Variants in HIF3A observed in about 807,000 individuals in gnomAD.
HIF3A encodes the protein hypoxia-inducible factor 3-alpha.
Under a neutral mutation model 67.2 loss-of-function variants are expected in HIF3A, and 41 were observed. The ratio of observed to expected loss-of-function variants is 0.61; its 90% CI spans 0.48 to 0.79. The LOEUF is 0.79. Among genes scored for constraint, HIF3A ranks in the 30% least tolerant of loss-of-function variants. The probability of loss-of-function intolerance (pLI) is 0.00; values close to 1 mark genes in which losing one functional copy is unlikely to be tolerated. For missense variants in HIF3A, 855 were observed against 898.0 expected (o/e 0.95, Z 0.61); for synonymous variants, 356 against 374.8 (o/e 0.95, Z 0.58).
At chr19:46,312,882 A>ATTTTTTTTTTTTTTTTTTTTTTTTTTTT (rs531816670) in intron 8 of HIF3A, 1 of 733,956 alleles carries the variant, frequency 1.4e-6, no homozygotes. Context: ...TAGACTGTTA[A>ATTTTTTTTTTTTTTTTTTTTTTTTTTTT]TTTTTTTTTT....
At chr19:46,309,068 GC>G in intron 5 of HIF3A, 82 bp from the exon 6 acceptor site, 1 of 1,151,500 alleles carries the variant, frequency 8.7e-7, no homozygotes, top group Non-Finnish European at 1.2e-6. Flanking sequence ...TCCCTGATGG[GC>G]CCTCAGGACG....
intron 7 of HIF3A, 27 bp from the exon 8 acceptor site, chr19:46,312,479 C>T (rs1471179193): frequency 2.5e-6 from 4 of 1,613,128 alleles, no homozygotes; most frequent in African/African-American, 2.7e-5. Flanking sequence ...CTTGGTGGCC[C>T]TGATCCCTCC....
intron 1 of HIF3A, chr19:46,298,365 C>T (rs1968030743): frequency 4.0e-6 from 5 of 1,262,386 alleles, no homozygotes; most frequent in Non-Finnish European, 5.2e-6. Context: ...GCTCGGGTGC[C>T]CCCCCTCCCC....
In HIF3A at chr19:46,334,245, C is replaced by A. The variant is rs527441956; in HGVS notation, c.1831-660C>A. ...TAGCTGGGATTACAGACATGCGCAACCACACCCTGCTAATTTTTGTATTTT... is the reference window on the plus strand; with the variant it reads ...TAGCTGGGATTACAGACATGCGCAAACACACCCTGCTAATTTTTGTATTTT... On this transcript the variant is annotated intron_variant, in intron 13 of 14. Transcript: ENST00000377670. 3.9e-5 allele frequency among the ~76,000 whole-genome samples: 6 copies of A among 152,206 alleles called. No individual in the cohort carries two copies. In the East Asian group the frequency reaches 1.2e-3, roughly 29 times the overall value.
intron 14 of HIF3A, chr19:46,338,609 T>G: frequency 1.2e-6 from 1 of 857,344 alleles, no homozygotes; most frequent in Non-Finnish European, 1.5e-6. Context: ...CAGTACTAGT[T>G]ATGGTTCAAA....
intron 10 of HIF3A, among the ~76,000 whole-genome samples, chr19:46,324,280 C>G (rs1970596641): frequency 6.6e-6 from 1 of 152,178 alleles, no homozygotes; most frequent in Non-Finnish European, 1.5e-5. Context: ...GAGAAGCACT[C>G]AGTAGGGGCC....
Position 46,312,566 on chromosome 19 carries a change from A to G in HIF3A, c.938A>G (p.Tyr313Cys). The change falls in exon 8 of 15, where the codon TAC (tyrosine) becomes TGC (cysteine). Residue 313 changes from tyrosine (Y) to cysteine (C), a missense_variant. Tyr to Cys is a radical substitution (Grantham distance 194). This residue lies in a region of HIF3A where 638 missense variants were observed against 660.5 expected (regional missense o/e 0.97). Transcript: ENST00000377670. ...CGCTTCCTGGCCCGGAGTGGTGGCT[A>G]CCTGTGGACCCAGACCCAGGCCACA... is the stretch of plus-strand genomic sequence containing the variant. ...QYRFLARSGG[Y>C]LWTQTQATVV... 1 of 1,612,856 alleles carries G rather than the reference A, an allele frequency of 6.2e-7. No homozygotes were observed. The highest frequency in any genetic ancestry group is 8.5e-7 in the Non-Finnish European group (1 of 1,179,508).
chr19:46,297,298 C>T lies in HIF3A; in HGVS notation c.26+196C>T, dbSNP rs2147091314. Among the ~76,000 whole-genome samples, 1 of 152,252 alleles carries T rather than the reference C, an allele frequency of 6.6e-6. No homozygotes were observed. The highest frequency in any genetic ancestry group is 2.1e-4 in the South Asian group (1 of 4,822). On this transcript the variant is annotated intron_variant, in intron 1 of 14. Coordinates refer to ENST00000377670, the MANE Select transcript of HIF3A (RefSeq NM_152795.4). This position sits in a 1 kb window ranked among gnomAD's most constrained non-coding sequence, Gnocchi z 4.5. ...GGTGGGGGATTCCCTACGTCTCTGG[C>T]TGCCCCGCCCCTCTGGCCAAGAGCG...
At chr19:46,319,947 A>T (rs1443591937) in intron 8 of HIF3A, among the ~76,000 whole-genome samples, 1 of 152,174 alleles carries the variant, frequency 6.6e-6, no homozygotes, top group African/African-American at 2.4e-5. Flanking sequence ...GTGTCAGAAT[A>T]GGCCGGGCAC....
rs1425221721 is a variant in HIF3A, at chr19:46,303,468, G to C, written c.27-430G>C. ...GTGATTCTGGGAAACTGCAGGGCAG[G>C]GGGCCTGGGAGGCTGTAGGCCTCTC... On this transcript the variant is annotated intron_variant, in intron 1 of 14. Transcript: ENST00000377670. 1.1e-5 allele frequency: 7 copies of C among 627,100 alleles called. No homozygotes were observed. The East Asian group carries it at 1.4e-4, about 12-fold the overall frequency. The allele number at this position is 627,100 out of a possible 1,614,324, so 38.8% of individuals were successfully genotyped here. A position where few individuals can be genotyped will look rare whatever the true frequency, so the allele number is the denominator to read the frequency against.
chr19:46,328,223 T>C (rs1970934310), intron 11 of HIF3A, among the ~76,000 whole-genome samples: 1 of 152,178 alleles, frequency 6.6e-6, no homozygotes, highest in Non-Finnish European at 1.5e-5. Context: ...CTGGTTAGCA[T>C]AAACTATCCA....
intron 6 of HIF3A, 53 bp downstream of exon 6, chr19:46,309,412 C>A: frequency 8.9e-7 from 1 of 1,121,544 alleles, no homozygotes; most frequent in Non-Finnish European, 1.3e-6. Context: ...TGTTTCCCTC[C>A]CCACCTCCAC....
At chr19:46,333,498 T>C (rs1247561564) in intron 13 of HIF3A, among the ~76,000 whole-genome samples, 1 of 152,090 alleles carries the variant, frequency 6.6e-6, no homozygotes, top group Non-Finnish European at 1.5e-5. Context: ...CCCTACCTGC[T>C]GGTGTCTCCC....
At chr19:46,330,799 GA>G (rs1211444313) in intron 12 of HIF3A, among the ~76,000 whole-genome samples, 4 of 147,892 alleles carry the variant, frequency 2.7e-5, no homozygotes, top group African/African-American at 5.0e-5. Flanking sequence ...TGGATGGATG[GA>G]TGGATGGTGG....
At chr19:46,301,259 G>A (rs1409048231) in intron 1 of HIF3A, among the ~76,000 whole-genome samples, 1 of 152,084 alleles carries the variant, frequency 6.6e-6, no homozygotes, top group East Asian at 1.9e-4. Context: ...CCCTTGCCCT[G>A]GGGGGTGGGG....
intron 14 of HIF3A, among the ~76,000 whole-genome samples, chr19:46,336,843 C>T (rs1971664177): frequency 6.6e-6 from 1 of 152,090 alleles, no homozygotes; most frequent in Non-Finnish European, 1.5e-5. Flanking sequence ...AAAAATTAGC[C>T]AGGCACACTG....
In HIF3A at chr19:46,309,350, G is replaced by A; in HGVS notation, c.761G>A (p.Cys254Tyr). 1 of 1,604,308 alleles carries A rather than the reference G, an allele frequency of 6.2e-7. No homozygotes were observed. The highest frequency in any genetic ancestry group is 8.5e-7 in the Non-Finnish European group (1 of 1,175,144). The change falls in exon 6 of 15, where the codon TGT becomes TAT. Residue 254 changes from cysteine to tyrosine, a missense_variant. Cys to Tyr is a radical substitution (Grantham distance 194). Coordinates refer to ENST00000377670, the MANE Select transcript of HIF3A (RefSeq NM_152795.4). ...AGCCTGGACATGAAGTTCACCTACT[G>A]TGACGACAGGTGGGCAGGGGCCCCC... ...RHSLDMKFTYCDDRIAEVAGY... is the reference protein window; with the variant it reads ...RHSLDMKFTYYDDRIAEVAGY...
At chr19:46,305,991 A>G (rs1303005033) in intron 3 of HIF3A, among the ~76,000 whole-genome samples, 1 of 152,142 alleles carries the variant, frequency 6.6e-6, no homozygotes, top group Non-Finnish European at 1.5e-5. Flanking sequence ...AGGTGGGAAG[A>G]TCATGTGAGC....
At position 46,321,523 on chromosome 19, in the gene HIF3A, G is replaced by A. The variant is rs371267332; in HGVS notation, c.1145-253G>A. Among the ~76,000 whole-genome samples the A allele has an allele frequency of 2.0e-5, 3 of 152,170 alleles. No individual in the cohort carries two copies. In the East Asian group the frequency reaches 5.8e-4, roughly 29 times the overall value. On this transcript the variant is annotated intron_variant, in intron 9 of 14. Transcript: ENST00000377670. ...TGCTCGAACCCAGGAGGCAGAGGCT[G>A]CAGTGAACTGAGATAGTGCCACTGC... is the stretch of plus-strand genomic sequence containing the variant.
Sources: gnomAD v4.1 joint callset for allele counts (sites outside exome capture counted in the v4.1 genomes callset) on GRCh38, gnomAD v4.1.1 for gene constraint, gnomAD v4.1.1 regional missense constraint, Gnocchi (gnomAD v3.1) non-coding constraint, MANE v1.5 for transcripts, NCBI Gene and HGNC (gene_info 2026-07-23, HGNC 2026-07-21) for gene names.